NTSR1: variants seen among roughly 807,000 people sequenced by gnomAD.
The protein encoded by NTSR1 is neurotensin receptor 1.
NTSR1 carries 29 observed loss-of-function variants against 31.2 expected under a neutral mutation model. That is an observed-to-expected ratio of 0.93 (90% CI 0.69 to 1.27). The LOEUF (loss-of-function observed/expected upper bound fraction) is 1.27, where lower values mean the gene tolerates loss of function less well. NTSR1 is among the 50% of genes most tolerant of loss of function. NTSR1 has a pLI of 0.00. For synonymous variants in NTSR1, 282 were observed against 269.9 expected (o/e 1.04, Z -0.44); for missense variants, 697 against 595.4 (o/e 1.17, Z -1.78).
chr20:62,759,894 C>T (rs1311257635), intron 3 of NTSR1, 124 bp from the exon 4 acceptor site: 4 of 891,932 alleles, frequency 4.5e-6, no homozygotes, highest in Non-Finnish European at 7.1e-6. Flanking sequence ...CAACCATTCT[C>T]AAGGGGTGTT....
chr20:62,737,083 G>C (rs1340673455), intron 1 of NTSR1, among the ~76,000 whole-genome samples: 5 of 152,196 alleles, frequency 3.3e-5, no homozygotes. Context: ...ACACAGTCTC[G>C]GCAGTTCTTT....
At position 62,709,851 on chromosome 20, in the gene NTSR1, A is replaced by ACGGCCAGCACGCCGG; in HGVS notation, c.650_664dup (p.Gln217_Gly221dup). 5 of 1,608,594 alleles carry ACGGCCAGCACGCCGG rather than the reference A, an allele frequency of 3.1e-6. No individual in the cohort carries two copies. The highest frequency in any genetic ancestry group is 4.2e-6 in the Non-Finnish European group (5 of 1,176,762). On this transcript the variant is annotated inframe_insertion, in exon 1 of 4. Transcript: ENST00000370501. ...ATGGGCGAGCAGAACCGCAGCGCCG[A>ACGGCCAGCACGCCGG]CGGCCAGCACGCCGGCGGCCTGGTG...
intron 1 of NTSR1, among the ~76,000 whole-genome samples, chr20:62,750,788 G>A (rs117171612): frequency 2.0e-5 from 3 of 151,908 alleles, no homozygotes. Context: ...GGGGGTAACT[G>A]TGAGGTGACG....
At chr20:62,726,312 C>T (rs1385074734) in intron 1 of NTSR1, among the ~76,000 whole-genome samples, 3 of 152,234 alleles carry the variant, frequency 2.0e-5, no homozygotes, top group African/African-American at 7.2e-5. Context: ...GCAGATCGGC[C>T]TGCGTCTGTC....
At chr20:62,712,220 C>T (rs1384695453) in intron 1 of NTSR1, among the ~76,000 whole-genome samples, 6 of 152,202 alleles carry the variant, frequency 3.9e-5, no homozygotes, top group Non-Finnish European at 7.3e-5. Flanking sequence ...TTTACGGTCC[C>T]CACGTGGGCT....
rs1600741013 is a variant in NTSR1, at chr20:62,761,111, G to T, written c.*844G>T. ...TCGGCAGAAGGGACGCCGGATCAGG[G>T]GCCTGGTCTCCAGCACCTGCCCGAG... On this transcript the variant is annotated 3_prime_UTR_variant, in exon 4 of 4. Transcript: ENST00000370501. 6.6e-6 allele frequency: 1 copy of T among 152,314 alleles called. No individual in the cohort carries two copies. The highest frequency in any genetic ancestry group is 1.9e-4 in the East Asian group (1 of 5,184). The allele number at this position is 152,314 out of a possible 1,614,324, so 9.4% of individuals were successfully genotyped here.
Position 62,709,651 on chromosome 20 carries a change from C to A in NTSR1, c.444C>A (p.Arg148=), listed in dbSNP as rs1185324665. ...GCTGCCGCGGCTACTACTTCCTGCG[C>A]GACGCCTGCACCTACGCCACGGCCC... The part of the protein sequence containing the change: ...DAGCRGYYFL[R]DACTYATALN... Residue 148 remains arginine, a synonymous_variant, in exon 1 of 4, where the codon CGC becomes CGA. Coordinates refer to ENST00000370501, the MANE Select transcript of NTSR1 (RefSeq NM_002531.3). 6.2e-7 allele frequency: 1 copy of A among 1,612,594 alleles called. No individual in the cohort carries two copies. The highest frequency in any genetic ancestry group is 1.3e-5 in the African/African-American group (1 of 75,060).
intron 1 of NTSR1, among the ~76,000 whole-genome samples, chr20:62,728,559 G>A (rs1382033840): frequency 4.6e-5 from 7 of 152,338 alleles, no homozygotes; most frequent in African/African-American, 1.4e-4. Context: ...CTTCCATTTC[G>A]GTGAAAGTGG....
intron 1 of NTSR1, among the ~76,000 whole-genome samples, chr20:62,738,698 G>A (rs553610788): frequency 1.6e-4 from 25 of 152,242 alleles, no homozygotes; most frequent in South Asian, 2.1e-4. Context: ...CGCGGGGTTA[G>A]CATGGCAGGA....
chr20:62,728,834 C>G (rs1446944350), intron 1 of NTSR1, among the ~76,000 whole-genome samples: 2 of 152,216 alleles, frequency 1.3e-5, no homozygotes, highest in African/African-American at 4.8e-5. Flanking sequence ...CACCTGCACC[C>G]AGAACCGGCC....
intron 1 of NTSR1, among the ~76,000 whole-genome samples, chr20:62,736,906 T>C (rs1989105551): frequency 6.6e-6 from 1 of 152,128 alleles, no homozygotes. Context: ...TCTCATGAGA[T>C]CTGATGGTTT....
rs1214560666 is a variant in NTSR1, at chr20:62,743,607, G to A, written c.715-11078G>A. Among the ~76,000 whole-genome samples the A allele has an allele frequency of 3.2e-5, 4 of 126,372 alleles. No homozygotes were observed. The highest frequency in any genetic ancestry group is 2.6e-4 in the South Asian group (1 of 3,802). 82.9% of individuals were successfully genotyped at this position (126,372 alleles called of 152,430 possible). On this transcript the variant is annotated intron_variant, in intron 1 of 3. Transcript: ENST00000370501. The surrounding 1 kb of genome is among the most constrained non-coding windows in gnomAD (Gnocchi z 7.5). ...TGGACAGGAGCCTCCCCTCCCACCC[G>A]CCCCGCAGCCTCTGCAGCCATCTTA...
intron 1 of NTSR1, among the ~76,000 whole-genome samples, chr20:62,723,456 G>A (rs1195169293): frequency 3.3e-5 from 5 of 152,194 alleles, no homozygotes; most frequent in African/African-American, 1.2e-4. Context: ...CCAGGGCAAG[G>A]AACGCTCATT....
rs559701411 is a variant in NTSR1 at position 62,732,258 on chromosome 20, A to G, written c.714+22337A>G. On this transcript the variant is annotated intron_variant, in intron 1 of 3. Transcript: ENST00000370501. This position sits in a 1 kb window ranked among gnomAD's most constrained non-coding sequence, Gnocchi z 4.0. ...AGGGGGCCTCCCTGCCTCCTTCCCT[A>G]TCTTAGGAAGAAAAGCTTCAGGTTT... Among the ~76,000 whole-genome samples the G allele has an allele frequency of 7.9e-5, 12 of 152,276 alleles. No individual in the cohort carries two copies. The highest frequency in any genetic ancestry group is 2.6e-4 in the African/African-American group (11 of 41,556).
chr20:62,751,793 G>A (rs763971662), intron 1 of NTSR1, among the ~76,000 whole-genome samples: 2 of 152,236 alleles, frequency 1.3e-5, no homozygotes, highest in Non-Finnish European at 2.9e-5. Flanking sequence ...GGGTGGGACA[G>A]GGGCCCTGAG....
chr20:62,750,483 G>A (rs1404100542), intron 1 of NTSR1, among the ~76,000 whole-genome samples: 1 of 152,106 alleles, frequency 6.6e-6, no homozygotes, highest in African/African-American at 2.4e-5. Flanking sequence ...GAGGTCAGGA[G>A]ATCGAGACCA....
chr20:62,758,334 A>T lies in NTSR1; in HGVS notation c.985A>T (p.Ile329Phe). The T allele has an allele frequency of 6.2e-7, 1 of 1,613,374 alleles. No homozygotes were observed. Among genetic ancestry groups the T allele is most frequent in the Non-Finnish European group, 8.5e-7 (1 of 1,179,800 alleles). The stretch of plus-strand genomic sequence containing the variant: ...CGTGCGGCGCCTCATGTTCTGCTAC[A>T]TCTCGGATGAGCAGTGGACTCCGTG... ...YHVRRLMFCY[I>F]SDEQWTPFLY... Residue 329 changes from isoleucine (I) to phenylalanine (F), a missense_variant, in exon 3 of 4, where the codon ATC (isoleucine) becomes TTC (phenylalanine). Transcript: ENST00000370501. The surrounding 1 kb of genome is among the most constrained non-coding windows in gnomAD (Gnocchi z 4.5).
chr20:62,709,047 C>G lies in NTSR1; in HGVS notation c.-161C>G. 1 of 513,820 alleles carries G rather than the reference C, an allele frequency of 1.9e-6. No individual in the cohort carries two copies. The highest frequency in any genetic ancestry group is 3.2e-6 in the Non-Finnish European group (1 of 311,794). The allele number at this position is 513,820 out of a possible 1,614,324, so 31.8% of individuals were successfully genotyped here. On this transcript the variant is annotated 5_prime_UTR_variant, in exon 1 of 4. Transcript: ENST00000370501. ...GAGCCCGGAGCCCGGGGCGGCGCGT[C>G]TGGGTCTGGCGCTTCCCGACTGGAC...
intron 1 of NTSR1, among the ~76,000 whole-genome samples, chr20:62,754,154 CT>C (rs1989439667): frequency 6.6e-6 from 1 of 152,136 alleles, no homozygotes; most frequent in Non-Finnish European, 1.5e-5. Context: ...TTTCAATGCT[CT>C]GAGAGGTAGC....
Sources: gnomAD v4.1 joint callset for allele counts (sites outside exome capture counted in the v4.1 genomes callset) on GRCh38, gnomAD v4.1.1 for gene constraint, Gnocchi (gnomAD v3.1) non-coding constraint, MANE v1.5 for transcripts, NCBI Gene and HGNC (gene_info 2026-07-23, HGNC 2026-07-21) for gene names.